The following ATG7 variants were observed in gnomAD, a reference collection of about 807,000 sequenced individuals.
The protein encoded by ATG7 is autophagy related 7, also known as ubiquitin-like modifier-activating enzyme ATG7.
In ATG7, 70 loss-of-function variants were observed where a neutral mutation model predicts 82.4. That is an observed-to-expected ratio of 0.85 (90% CI 0.70 to 1.04). The LOEUF (loss-of-function observed/expected upper bound fraction) is 1.04. Among genes scored for constraint, ATG7 ranks in the 50% least tolerant of loss-of-function variants. The pLI is 0.00. For missense variants in ATG7, 792 were observed against 864.3 expected, an observed-to-expected ratio of 0.92 and a Z score of 1.05; for synonymous variants, 287 against 313.0, an observed-to-expected ratio of 0.92 and a Z score of 0.88.
intron 20 of ATG7, among the ~76,000 whole-genome samples, chr3:11,537,077 G>A (rs929168863): frequency 1.3e-5 from 2 of 151,938 alleles, no homozygotes; most frequent in East Asian, 1.9e-4. Context: ...CTCTGCACAG[G>A]GCCTCACCCA....
intron 2 of ATG7, among the ~76,000 whole-genome samples, chr3:11,281,489 C>T (rs1321121130): frequency 6.6e-6 from 1 of 152,050 alleles, no homozygotes; most frequent in Admixed American, 6.5e-5. Flanking sequence ...TTTGAAAAAT[C>T]AGGCCGGGTG....
At chr3:11,558,885 C>T (rs147201643), downstream of ATG7, 428 of 1,579,588 alleles carry the variant, frequency 2.7e-4, 1 homozygote, top group East Asian at 8.7e-3. Flanking sequence ...CAGACAGGCA[C>T]GGTTGCAGCA....
At chr3:11,417,104 C>T (rs925152858) in intron 19 of ATG7, among the ~76,000 whole-genome samples, 1 of 152,002 alleles carries the variant, frequency 6.6e-6, no homozygotes, top group Admixed American at 6.6e-5. Flanking sequence ...GAATGTTCTA[C>T]CTTGGTGAAT....
At chr3:11,452,384 C>CAAAAAAAAAAAAAAAAAAA (rs34530409) in intron 20 of ATG7, among the ~76,000 whole-genome samples, 1 of 58,420 alleles carries the variant, frequency 1.7e-5, no homozygotes, top group African/African-American at 7.6e-5. Context: ...GAACCTGTCT[C>CAAAAAAAAAAAAAAAAAAA]AAAAAAAAAA....
chr3:11,362,865 T>A lies in ATG7; in HGVS notation c.1736T>A (p.Leu579Gln). Reference sequence around the variant, plus strand: ...CAGTGCACTGTGAGTCGTCCAGGACTGGCCGTGATTGCAGGAGCCCTGGCC... The same window carrying A: ...CAGTGCACTGTGAGTCGTCCAGGACAGGCCGTGATTGCAGGAGCCCTGGCC... ...DQQCTVSRPGLAVIAGALAVE... is the reference protein window; with the variant it reads ...DQQCTVSRPGQAVIAGALAVE... Residue 579 changes from leucine to glutamine, a missense_variant, in exon 17 of 21, where the codon CTG (leucine) becomes CAG (glutamine). Coordinates refer to ENST00000693202, the MANE Select transcript of ATG7 (RefSeq NM_001349232.2). 1.2e-6 allele frequency: 2 copies of A among 1,614,120 alleles called. No individual in the cohort carries two copies.
At chr3:11,478,820 T>C (rs879762282) in intron 20 of ATG7, among the ~76,000 whole-genome samples, 1 of 152,170 alleles carries the variant, frequency 6.6e-6, no homozygotes, top group Non-Finnish European at 1.5e-5. Context: ...CAAACTTGAA[T>C]TAAAGTTATT....
intron 19 of ATG7, among the ~76,000 whole-genome samples, chr3:11,382,526 T>C (rs1318691190): frequency 6.6e-6 from 1 of 152,188 alleles, no homozygotes; most frequent in Non-Finnish European, 1.5e-5. Flanking sequence ...TCATTCCAGT[T>C]TCTACTTATT....
At chr3:11,562,065 T>C (rs1034894922), downstream of ATG7, among the ~76,000 whole-genome samples, 4 of 151,990 alleles carry the variant, frequency 2.6e-5, no homozygotes, top group African/African-American at 9.7e-5. Flanking sequence ...GCCTGGCTAA[T>C]TTTTGTACTT....
the ATG7 span, among the ~76,000 whole-genome samples, chr3:11,563,982 G>A: frequency 1.3e-5 from 2 of 152,196 alleles, no homozygotes; most frequent in Non-Finnish European, 2.9e-5. Context: ...GGGACACAGA[G>A]GCTCTTGCAG....
chr3:11,473,951 C>T (rs1281180478), intron 20 of ATG7, among the ~76,000 whole-genome samples: 1 of 152,212 alleles, frequency 6.6e-6, no homozygotes, highest in East Asian at 1.9e-4. Context: ...CCGTGAACTC[C>T]CTGATAAGCA....
chr3:11,463,174 C>T (rs1205328523), intron 20 of ATG7, among the ~76,000 whole-genome samples: 2 of 151,944 alleles, frequency 1.3e-5, no homozygotes, highest in Non-Finnish European at 2.9e-5. Context: ...CGTGAGCCAC[C>T]ATGCCCGGCC....
chr3:11,422,592 G>T (rs892847342), intron 19 of ATG7, among the ~76,000 whole-genome samples: 2 of 152,074 alleles, frequency 1.3e-5, no homozygotes, highest in African/African-American at 4.8e-5. Flanking sequence ...CTTTATTTTT[G>T]TGTGTTCATT....
At chr3:11,454,609 T>C (rs9871735) in intron 20 of ATG7, among the ~76,000 whole-genome samples, 6,057 of 152,264 alleles carry the variant, frequency 0.04, 424 homozygotes, top group African/African-American at 0.14. Context: ...TCCCGGTCTT[T>C]CTGGGCATAT....
At chr3:11,376,196 T>A (rs1423597109) in intron 18 of ATG7, among the ~76,000 whole-genome samples, 5 of 152,144 alleles carry the variant, frequency 3.3e-5, no homozygotes, top group Non-Finnish European at 7.4e-5. Context: ...GAGGGGAGAA[T>A]GAGGACTAAT....
the ATG7 span, among the ~76,000 whole-genome samples, chr3:11,563,544 C>T: frequency 6.6e-6 from 1 of 152,230 alleles, no homozygotes. Context: ...TCCACACACA[C>T]GTCTCTGGCT....
chr3:11,540,907 T>TGGGGGGGG (rs1230126956), intron 20 of ATG7, among the ~76,000 whole-genome samples: 2 of 34,902 alleles, frequency 5.7e-5, no homozygotes, highest in Non-Finnish European at 1.5e-4. Context: ...TAGCTTTTTT[T>TGGGGGGGG]GGGGGGGGGA....
Position 11,332,957 on chromosome 3 carries a change from C to T in ATG7, c.768-15C>T, listed in dbSNP as rs545946734. On this transcript the variant is annotated splice_polypyrimidine_tract_variant and intron_variant, in intron 10 of 20. Transcript: ENST00000693202. ...AAAAAATAATAAATAAATAAAAATC[C>T]GGGCATGACAACAGGAGTAGCAGTT... 166 of 1,445,206 alleles carry T rather than the reference C, an allele frequency of 1.1e-4. 1 individual carries two copies. The Middle Eastern group carries it at 2.0e-3, about 18-fold the overall frequency. The allele number at this position is 1,445,206 out of a possible 1,614,324, so 89.5% of individuals were successfully genotyped here.
At chr3:11,541,441 A>C (rs991017666) in intron 20 of ATG7, among the ~76,000 whole-genome samples, 2 of 152,140 alleles carry the variant, frequency 1.3e-5, no homozygotes, top group Admixed American at 1.3e-4. Flanking sequence ...GTACCAAACT[A>C]TCTGCTGCCT....
intron 17 of ATG7, among the ~76,000 whole-genome samples, chr3:11,364,070 A>G (rs973399792): frequency 1.3e-5 from 2 of 152,230 alleles, no homozygotes; most frequent in African/African-American, 2.4e-5. Flanking sequence ...TGCCCTGGTC[A>G]TAGTTTAAAC....
Sources: gnomAD v4.1 joint callset for allele counts (sites outside exome capture counted in the v4.1 genomes callset) on GRCh38, gnomAD v4.1.1 for gene constraint, MANE v1.5 for transcripts, NCBI Gene and HGNC (gene_info 2026-07-23, HGNC 2026-07-21) for gene names.